MAP3K7CL: variants seen among roughly 807,000 people sequenced by gnomAD.
The protein encoded by MAP3K7CL is MAP3K7 C-terminal like, also known as MAP3K7 C-terminal-like protein.
In MAP3K7CL, 16 loss-of-function variants were observed where a neutral mutation model predicts 18.6. The ratio of observed to expected loss-of-function variants is 0.86; its 90% CI spans 0.58 to 1.31. The LOEUF (loss-of-function observed/expected upper bound fraction) is 1.31. Among genes scored for constraint, MAP3K7CL ranks in the 50% most tolerant of loss-of-function variants. The probability of loss-of-function intolerance (pLI) is 0.00; values close to 1 mark genes in which losing one functional copy is unlikely to be tolerated. For missense variants in MAP3K7CL, 163 were observed against 174.4 expected (o/e 0.93, Z 0.37); for synonymous variants, 65 against 66.8 (o/e 0.97, Z 0.13).
intron 4 of MAP3K7CL, among the ~76,000 whole-genome samples, chr21:29,104,988 G>A (rs114849681): frequency 1.8e-4 from 28 of 152,264 alleles, no homozygotes; most frequent in African/African-American, 6.3e-4. Flanking sequence ...ACCATGCATA[G>A]GGAACTGGAG....
Position 29,099,944 on chromosome 21 carries a change from G to C in MAP3K7CL, c.370+7363G>C, listed in dbSNP as rs1197307423. On this transcript the variant is annotated intron_variant, in intron 4 of 6. Transcript: ENST00000286791. ...TAAAAATACAAAAAATTAGCCGGGC[G>C]TGGTGGCGGGCGCCTGTAGTCCCAG... Among the ~76,000 whole-genome samples, 4 of 152,038 alleles carry C rather than the reference G, an allele frequency of 2.6e-5. No homozygotes were observed. In the East Asian group the frequency reaches 7.7e-4, roughly 29 times the overall value.
Position 29,131,000 on chromosome 21 carries a change from A to T in MAP3K7CL, c.-40+77A>T, listed in dbSNP as rs1279366064. 4.6e-6 allele frequency: 4 copies of T among 873,868 alleles called. No homozygotes were observed. The East Asian group carries it at 3.6e-4, about 79-fold the overall frequency. The allele number at this position is 873,868 out of a possible 1,614,324, so 54.1% of individuals were successfully genotyped here. ...TAACCAAAGCTCTGTTACAGCCTGT[A>T]GCCAAGAGAAGGAACCTGTGGTTCG... On this transcript the variant is annotated intron_variant, in intron 1 of 4. Coordinates refer to ENST00000399928, the MANE Select transcript of MAP3K7CL (RefSeq NM_001286620.2).
chr21:29,100,280 A>G (rs900908906), intron 4 of MAP3K7CL, among the ~76,000 whole-genome samples: 1 of 152,094 alleles, frequency 6.6e-6, no homozygotes, highest in Non-Finnish European at 1.5e-5. Context: ...CCCACTCCAC[A>G]TTTCTTAGTA....
chr21:29,162,039 A>G (rs1241635008), intron 4 of MAP3K7CL, among the ~76,000 whole-genome samples: 1 of 152,204 alleles, frequency 6.6e-6, no homozygotes, highest in Non-Finnish European at 1.5e-5. Flanking sequence ...GAGTTTTGAT[A>G]AAGTTGCTTG....
intron 4 of MAP3K7CL, chr21:29,092,653 A>G (rs555429823): frequency 1.9e-6 from 3 of 1,577,342 alleles, no homozygotes; most frequent in Non-Finnish European, 2.6e-6. Flanking sequence ...ATGGGAGCCT[A>G]AGGCTGGTTG....
chr21:29,085,974 TCAGTGAAAA>T (rs2085918964), intron 1 of MAP3K7CL: 3 of 1,588,350 alleles, frequency 1.9e-6, no homozygotes, highest in Non-Finnish European at 2.6e-6. Flanking sequence ...AATCCTGTTT[TCAGTGAAAA>T]CAGGGTGGGA....
chr21:29,144,310 A>G (rs2087077110), intron 2 of MAP3K7CL, among the ~76,000 whole-genome samples: 1 of 152,104 alleles, frequency 6.6e-6, no homozygotes. Context: ...GACAACAGGC[A>G]TGTGCCACCA....
chr21:29,082,116 C>T (rs1462151017), upstream of MAP3K7CL, among the ~76,000 whole-genome samples: 1 of 152,178 alleles, frequency 6.6e-6, no homozygotes, highest in Admixed American at 6.5e-5. Context: ...GATGAGCTAA[C>T]TGAATCTGTC....
At chr21:29,110,817 CTG>C (rs2086406215) in intron 4 of MAP3K7CL, among the ~76,000 whole-genome samples, 1 of 152,134 alleles carries the variant, frequency 6.6e-6, no homozygotes, top group Non-Finnish European at 1.5e-5. Context: ...TTTTTGTTCT[CTG>C]AATGTTTCTT....
intron 2 of MAP3K7CL, among the ~76,000 whole-genome samples, chr21:29,133,743 CT>C (rs990029805): frequency 4.1e-4 from 63 of 152,258 alleles, no homozygotes; most frequent in African/African-American, 1.4e-3. Flanking sequence ...CATGAGGAAA[CT>C]TTTATTAGGA....
rs542966353 is a variant in MAP3K7CL, at chr21:29,163,044, G to C, written c.248+2988G>C. Among the ~76,000 whole-genome samples the C allele has an allele frequency of 2.0e-5, 3 of 152,274 alleles. No individual in the cohort carries two copies. The East Asian group carries it at 5.8e-4, about 29-fold the overall frequency. ...GAGAATTGCTTGAACCCAGTAGGCG[G>C]AGGTTGCAGTGAGCCAAGATCACGC... On this transcript the variant is annotated intron_variant, in intron 4 of 4. Transcript: ENST00000399928.
intron 4 of MAP3K7CL, among the ~76,000 whole-genome samples, chr21:29,098,469 C>T (rs570895291): frequency 6.6e-6 from 1 of 152,148 alleles, no homozygotes; most frequent in South Asian, 2.1e-4. Context: ...TTAAAAAACA[C>T]GTACTGGTTT....
At chr21:29,093,627 A>T (rs1010105246) in intron 4 of MAP3K7CL, among the ~76,000 whole-genome samples, 1 of 148,632 alleles carries the variant, frequency 6.7e-6, no homozygotes, top group Non-Finnish European at 1.5e-5. Flanking sequence ...GACTGCCGGC[A>T]CCCGCCACCA....
At chr21:29,099,712 A>C (rs1026302364) in intron 4 of MAP3K7CL, among the ~76,000 whole-genome samples, 1 of 152,172 alleles carries the variant, frequency 6.6e-6, no homozygotes, top group Non-Finnish European at 1.5e-5. Context: ...ACAGTTGGTC[A>C]GAGCAGGTTA....
At chr21:29,124,795 C>T (rs2086656032) in intron 4 of MAP3K7CL, among the ~76,000 whole-genome samples, 1 of 152,224 alleles carries the variant, frequency 6.6e-6, no homozygotes, top group Admixed American at 6.5e-5. Flanking sequence ...TACAGCTATA[C>T]ACATTTACTT....
chr21:29,153,785 A>G (rs978840793), intron 3 of MAP3K7CL, among the ~76,000 whole-genome samples: 2 of 151,930 alleles, frequency 1.3e-5, no homozygotes, highest in African/African-American at 4.8e-5. Context: ...TTTCTGTTTG[A>G]CTTGTCTCTC....
At chr21:29,084,083 T>A (rs532951473), upstream of MAP3K7CL, among the ~76,000 whole-genome samples, 320 of 148,528 alleles carry the variant, frequency 2.2e-3, no homozygotes, top group African/African-American at 7.0e-3. Context: ...ATGTATATAT[T>A]TTTTTTTCCA....
At chr21:29,138,316 T>C (rs953019033) in intron 2 of MAP3K7CL, among the ~76,000 whole-genome samples, 3 of 152,226 alleles carry the variant, frequency 2.0e-5, no homozygotes, top group African/African-American at 4.8e-5. Context: ...TAATCAGTAT[T>C]ATTTCTAAAC....
At chr21:29,120,598 T>C (rs905300750) in intron 4 of MAP3K7CL, among the ~76,000 whole-genome samples, 21 of 152,324 alleles carry the variant, frequency 1.4e-4, no homozygotes, top group Middle Eastern at 6.8e-3. Flanking sequence ...CCAGAATATT[T>C]CATGGGATTT....
Sources: gnomAD v4.1 joint callset for allele counts (sites outside exome capture counted in the v4.1 genomes callset) on GRCh38, gnomAD v4.1.1 for gene constraint, MANE v1.5 for transcripts, NCBI Gene and HGNC (gene_info 2026-07-23, HGNC 2026-07-21) for gene names.